MEGF11: variants seen among roughly 807,000 people sequenced by gnomAD.
The protein encoded by MEGF11 is multiple epidermal growth factor-like domains protein 11.
In MEGF11, 126 loss-of-function variants were observed where a neutral mutation model predicts 146.6. The observed-to-expected ratio is 0.86, with a 90% CI of 0.74 to 1.00. The LOEUF is 1.00. Ranked by LOEUF, MEGF11 falls within the 50% of genes least tolerant of loss-of-function variation. The probability of loss-of-function intolerance (pLI) is 0.00; values close to 1 mark genes in which losing one functional copy is unlikely to be tolerated. For synonymous variants in MEGF11, 532 were observed against 583.4 expected (o/e 0.91, Z 1.27); for missense variants, 1,509 against 1,521.2 (o/e 0.99, Z 0.13).
rs1468810232 is a variant in MEGF11 at position 66,253,627 on chromosome 15, G to A, written c.-31C>T. The A allele has an allele frequency of 6.6e-6, 1 of 151,990 alleles. No individual in the cohort carries two copies. The highest frequency in any genetic ancestry group is 1.5e-5 in the Non-Finnish European group (1 of 67,978). 9.4% of individuals were successfully genotyped at this position (151,990 alleles called of 1,614,324 possible). A position where few individuals can be genotyped will look rare whatever the true frequency, so the allele number is the denominator to read the frequency against. ...TACCTGCTCCCGCGGCCGGCCCAGG[G>A]ATCGGCCGGCCAGTCGCGCGGTCCT... On this transcript the variant is annotated 5_prime_UTR_variant, in exon 1 of 26. Transcript: ENST00000395614.
intron 5 of MEGF11, among the ~76,000 whole-genome samples, chr15:65,996,576 C>G (rs333571): frequency 0.89 from 134,380 of 151,802 alleles, 59,914 homozygotes; most frequent in East Asian, 1. Flanking sequence ...ACCTCTGCCT[C>G]CCGGGTTCAA....
At chr15:66,072,287 T>C (rs1028056847) in intron 5 of MEGF11, among the ~76,000 whole-genome samples, 1 of 152,220 alleles carries the variant, frequency 6.6e-6, no homozygotes, top group Non-Finnish European at 1.5e-5. Flanking sequence ...AAAGCTCCCC[T>C]AGTTTTTGGC....
chr15:66,103,090 A>C (rs62011851), intron 4 of MEGF11, among the ~76,000 whole-genome samples: 29,737 of 152,216 alleles, frequency 0.2, 3,421 homozygotes, highest in Admixed American at 0.3. Flanking sequence ...CCATCCCAGC[A>C]GCAAATGAGA....
At chr15:65,969,338 C>T (rs1413473637) in intron 8 of MEGF11, among the ~76,000 whole-genome samples, 1 of 152,178 alleles carries the variant, frequency 6.6e-6, no homozygotes, top group Non-Finnish European at 1.5e-5. Context: ...CGTACTGGCT[C>T]ATCCTGAGCA....
At chr15:66,176,112 G>A (rs1247154948) in intron 1 of MEGF11, among the ~76,000 whole-genome samples, 2 of 152,128 alleles carry the variant, frequency 1.3e-5, no homozygotes, top group African/African-American at 2.4e-5. Context: ...AAACCACAAT[G>A]AGATGTCATC....
intron 1 of MEGF11, among the ~76,000 whole-genome samples, chr15:66,227,777 G>A (rs2091884286): frequency 6.6e-6 from 1 of 152,130 alleles, no homozygotes; most frequent in Admixed American, 6.5e-5. Flanking sequence ...ATATTTCTTG[G>A]TCCCCATTCC....
intron 1 of MEGF11, among the ~76,000 whole-genome samples, chr15:66,205,863 A>G (rs1280188486): frequency 1.3e-5 from 2 of 152,248 alleles, no homozygotes; most frequent in East Asian, 3.8e-4. Flanking sequence ...AGAGTCTCAT[A>G]TTATAACATG....
Position 65,957,608 on chromosome 15 carries a change from C to T in MEGF11, c.1226G>A (p.Cys409Tyr), listed in dbSNP as rs146242658. Residue 409 changes from cysteine (C) to tyrosine (Y), a missense_variant, in exon 10 of 26, where the codon TGT becomes TAT. Coordinates refer to ENST00000395614, the MANE Select transcript of MEGF11 (RefSeq NM_001385028.1). ...YGDGCQLPCTCQNGADCHSIT... is the reference protein window; with the variant it reads ...YGDGCQLPCTYQNGADCHSIT... Reference sequence around the variant, plus strand: ...GCTGTGGCAGTCGGCGCCATTCTGACAGGTGCAAGGCAGCTGGCAGCCATC... The same window carrying T: ...GCTGTGGCAGTCGGCGCCATTCTGATAGGTGCAAGGCAGCTGGCAGCCATC... The T allele has an allele frequency of 6.2e-7, 1 of 1,613,982 alleles. No individual in the cohort carries two copies. Among genetic ancestry groups the T allele is most frequent in the Non-Finnish European group, 8.5e-7 (1 of 1,179,894 alleles).
At chr15:65,898,126 A>G in intron 25 of MEGF11, 32 bp from the exon 26 acceptor site, 1 of 1,593,494 alleles carries the variant, frequency 6.3e-7, no homozygotes, top group East Asian at 2.3e-5. Context: ...GAGTTCAGAG[A>G]ACAGATTAGC....
chr15:66,162,828 A>T (rs917669913), intron 1 of MEGF11, among the ~76,000 whole-genome samples: 5 of 152,078 alleles, frequency 3.3e-5, no homozygotes, highest in African/African-American at 1.2e-4. Flanking sequence ...GTAAGAAAAA[A>T]TTTTTTCGAG....
In MEGF11 at chr15:66,033,663, G is replaced by A. The variant is rs141897299; in HGVS notation, c.395-51175C>T. On this transcript the variant is annotated intron_variant, in intron 5 of 25. Transcript: ENST00000395614. The stretch of plus-strand genomic sequence containing the variant: ...AGGCTATGGGGATGGGGCTGTCTGA[G>A]GCCTTGGGGGCCCAACCCCCACACC... Among the ~76,000 whole-genome samples the A allele has an allele frequency of 6.3e-3, 958 of 152,398 alleles. 4 individuals are homozygous for A. The highest frequency in any genetic ancestry group is 0.011 in the Non-Finnish European group (723 of 68,036).
intron 1 of MEGF11, among the ~76,000 whole-genome samples, chr15:66,221,084 T>G (rs2091724985): frequency 6.6e-6 from 1 of 152,168 alleles, no homozygotes; most frequent in Non-Finnish European, 1.5e-5. Context: ...TTTTTGCAAC[T>G]TCTATGTGAG....
chr15:65,900,254 A>G (rs909127229), intron 24 of MEGF11, among the ~76,000 whole-genome samples: 3 of 152,216 alleles, frequency 2.0e-5, no homozygotes, highest in African/African-American at 7.2e-5. Context: ...CACTAGAACT[A>G]CCACAGTTTA....
chr15:66,062,968 C>A (rs891776816), intron 5 of MEGF11, among the ~76,000 whole-genome samples: 11 of 152,158 alleles, frequency 7.2e-5, no homozygotes, highest in Non-Finnish European at 1.5e-4. Context: ...GTTAAACCAT[C>A]CCTTTAAATT....
intron 1 of MEGF11, among the ~76,000 whole-genome samples, chr15:66,243,995 T>C (rs1007532872): frequency 3.3e-5 from 5 of 152,160 alleles, no homozygotes; most frequent in Non-Finnish European, 5.9e-5. Context: ...TTACTAACCA[T>C]TGGGAGGTAG....
At chr15:66,082,481 C>T (rs1597064712) in intron 5 of MEGF11, among the ~76,000 whole-genome samples, 1 of 106,290 alleles carries the variant, frequency 9.4e-6, no homozygotes. Flanking sequence ...ATCTATCTAT[C>T]TATCTATCTA....
At chr15:66,154,568 A>G (rs2089684025) in intron 1 of MEGF11, among the ~76,000 whole-genome samples, 1 of 152,236 alleles carries the variant, frequency 6.6e-6, no homozygotes, top group Non-Finnish European at 1.5e-5. Flanking sequence ...ATAAAGATGC[A>G]GTTATTAACT....
chr15:66,047,654 A>G (rs575694026), intron 5 of MEGF11, among the ~76,000 whole-genome samples: 1 of 152,310 alleles, frequency 6.6e-6, no homozygotes, highest in East Asian at 1.9e-4. Context: ...CCTGGCCCAC[A>G]AACTCCATCC....
intron 13 of MEGF11, among the ~76,000 whole-genome samples, chr15:65,926,442 A>T (rs2141280398): frequency 6.6e-6 from 1 of 152,398 alleles, no homozygotes; most frequent in South Asian, 2.1e-4. Context: ...AAGATGAATA[A>T]GACAAAATGC....
Sources: gnomAD v4.1 joint callset for allele counts (sites outside exome capture counted in the v4.1 genomes callset) on GRCh38, gnomAD v4.1.1 for gene constraint, MANE v1.5 for transcripts, NCBI Gene and HGNC (gene_info 2026-07-23, HGNC 2026-07-21) for gene names.